Variants in DACH1 observed in about 807,000 individuals in gnomAD.
DACH1 encodes the protein dachshund homolog 1.
Under a neutral mutation model 54.2 loss-of-function variants are expected in DACH1, and 12 were observed. That is an observed-to-expected ratio of 0.22 (90% CI 0.14 to 0.36). The LOEUF is 0.36. DACH1 is among the 10% of genes least tolerant of loss of function. DACH1 has a pLI of 1.00. For synonymous variants in DACH1, 386 were observed against 366.2 expected (o/e 1.05, Z -0.62); for missense variants, 805 against 929.8 (o/e 0.87, Z 1.75).
intron 1 of DACH1, among the ~76,000 whole-genome samples, chr13:71,768,058 A>G (rs1286374339): frequency 6.6e-6 from 1 of 151,996 alleles, no homozygotes; most frequent in African/African-American, 2.4e-5. Flanking sequence ...GGGCTATCAT[A>G]TAATTAGAAT....
At chr13:71,555,172 A>G (rs1308072625) in intron 6 of DACH1, among the ~76,000 whole-genome samples, 1 of 152,120 alleles carries the variant, frequency 6.6e-6, no homozygotes, top group Admixed American at 6.6e-5. Flanking sequence ...GTAAGGGAAA[A>G]TTGAGAAAAG....
chr13:71,520,491 G>A (rs1177556476), intron 6 of DACH1, among the ~76,000 whole-genome samples: 1 of 149,972 alleles, frequency 6.7e-6, no homozygotes, highest in Non-Finnish European at 1.5e-5. Flanking sequence ...TCATATGTAA[G>A]TTTAGAAGGA....
intron 1 of DACH1, among the ~76,000 whole-genome samples, chr13:71,749,729 G>A (rs1884837644): frequency 6.6e-6 from 1 of 152,142 alleles, no homozygotes; most frequent in Admixed American, 6.6e-5. Flanking sequence ...TTGGGAAACT[G>A]TTAGTCGTTT....
At chr13:71,490,081 A>G (rs1878858281) in intron 6 of DACH1, among the ~76,000 whole-genome samples, 1 of 152,152 alleles carries the variant, frequency 6.6e-6, no homozygotes. Flanking sequence ...AATTTTATTC[A>G]TGGCAGGATC....
At chr13:71,487,140 G>A (rs896771408) in intron 7 of DACH1, among the ~76,000 whole-genome samples, 2 of 151,958 alleles carry the variant, frequency 1.3e-5, no homozygotes, top group Admixed American at 6.6e-5. Flanking sequence ...CATGAGCCAC[G>A]GCACCCGACC....
chr13:71,586,367 TC>T (rs1014924983), intron 3 of DACH1, among the ~76,000 whole-genome samples: 1 of 152,170 alleles, frequency 6.6e-6, no homozygotes, highest in African/African-American at 2.4e-5. Flanking sequence ...GTTGCTTCAA[TC>T]TTTTTTAAAG....
intron 2 of DACH1, among the ~76,000 whole-genome samples, chr13:71,648,166 T>C (rs751024334): frequency 6.6e-6 from 1 of 152,180 alleles, no homozygotes; most frequent in African/African-American, 2.4e-5. Context: ...TTAATTACTA[T>C]ACAATCAAAT....
intron 9 of DACH1, 86 bp from the exon 10 acceptor site, chr13:71,475,295 T>C: frequency 9.1e-7 from 1 of 1,102,280 alleles, no homozygotes; most frequent in East Asian, 2.4e-5. Flanking sequence ...GTTACTTTGG[T>C]GCTGAATTAA....
intron 4 of DACH1, among the ~76,000 whole-genome samples, chr13:71,567,655 T>A (rs1884971632): frequency 6.6e-6 from 1 of 152,044 alleles, no homozygotes; most frequent in Admixed American, 6.6e-5. Flanking sequence ...TTAATCTTTA[T>A]GACAACCTAA....
At chr13:71,701,562 A>C (rs1882137352) in intron 1 of DACH1, among the ~76,000 whole-genome samples, 1 of 152,204 alleles carries the variant, frequency 6.6e-6, no homozygotes, top group South Asian at 2.1e-4. Context: ...GAAATGGGAG[A>C]TAGTGACAGA....
intron 1 of DACH1, among the ~76,000 whole-genome samples, chr13:71,781,729 T>C (rs1487177658): frequency 3.3e-5 from 5 of 152,128 alleles, no homozygotes; most frequent in Admixed American, 1.3e-4. Context: ...TGATTTTTCT[T>C]TGGAATTTTC....
intron 1 of DACH1, among the ~76,000 whole-genome samples, chr13:71,788,234 T>C (rs780397526): frequency 6.6e-6 from 1 of 152,072 alleles, no homozygotes; most frequent in Non-Finnish European, 1.5e-5. Flanking sequence ...CTGGTTCAAC[T>C]TTACCATTTT....
chr13:71,654,375 G>T (rs913339656), intron 2 of DACH1, among the ~76,000 whole-genome samples: 1 of 137,324 alleles, frequency 7.3e-6, no homozygotes, highest in Admixed American at 7.6e-5. Context: ...GGGCGACAGA[G>T]TGAGACTCTG....
intron 1 of DACH1, among the ~76,000 whole-genome samples, chr13:71,820,326 A>G (rs1231363675): frequency 6.6e-6 from 1 of 152,028 alleles, no homozygotes; most frequent in Admixed American, 6.5e-5. Context: ...AAGGACAGGC[A>G]TGGTCTTCTG....
intron 3 of DACH1, among the ~76,000 whole-genome samples, chr13:71,615,278 C>T (rs911510871): frequency 3.3e-5 from 5 of 152,096 alleles, no homozygotes; most frequent in East Asian, 1.9e-4. Context: ...CATTTTTAGG[C>T]GTTATTTTAT....
At chr13:71,564,355 T>C (rs1018838957) in intron 4 of DACH1, among the ~76,000 whole-genome samples, 10 of 151,852 alleles carry the variant, frequency 6.6e-5, no homozygotes, top group Admixed American at 6.6e-4. Context: ...TTCAACACAC[T>C]CCTTTATAGT....
Position 71,798,018 on chromosome 13 carries a change from G to A in DACH1, c.848+67904C>T, listed in dbSNP as rs1262515470. Among the ~76,000 whole-genome samples, 4 of 151,964 alleles carry A rather than the reference G, an allele frequency of 2.6e-5. No individual in the cohort carries two copies. The East Asian group carries it at 7.7e-4, about 29-fold the overall frequency. On this transcript the variant is annotated intron_variant, in intron 1 of 10. Transcript: ENST00000613252. The stretch of plus-strand genomic sequence containing the variant: ...CTCCGATTTTTAAACTCCACTTTAA[G>A]TCCCCAGATGAAATGTAACCGTTTA...
At chr13:71,640,301 C>A (rs1877803192) in intron 2 of DACH1, among the ~76,000 whole-genome samples, 1 of 151,966 alleles carries the variant, frequency 6.6e-6, no homozygotes, top group Non-Finnish European at 1.5e-5. Flanking sequence ...ACTTAGAAAT[C>A]TGATCTAAAT....
intron 6 of DACH1, among the ~76,000 whole-genome samples, chr13:71,526,882 C>A (rs1220139049): frequency 5.3e-5 from 8 of 151,774 alleles, no homozygotes; most frequent in Admixed American, 5.3e-4. Flanking sequence ...GTGAAGTCTT[C>A]CTGAGCTGTC....
Sources: allele counts gnomAD v4.1 joint callset (sites outside exome capture counted in the v4.1 genomes callset), GRCh38; gene constraint gnomAD v4.1.1; transcripts MANE v1.5; gene names NCBI Gene and HGNC (gene_info 2026-07-23, HGNC 2026-07-21).